The following KIF6 variants were observed in gnomAD, a reference collection of about 807,000 sequenced individuals.
KIF6 encodes kinesin family member 6.
In KIF6, 106 loss-of-function variants were observed where a neutral mutation model predicts 112.7. The observed-to-expected ratio is 0.94, with a 90% CI of 0.80 to 1.11. The LOEUF is 1.11. Ranked by LOEUF, KIF6 falls within the 50% of genes least tolerant of loss-of-function variation. The pLI is 0.00. For missense variants in KIF6, 929 were observed against 964.0 expected, an observed-to-expected ratio of 0.96 and a Z score of 0.48; for synonymous variants, 339 against 339.9, an observed-to-expected ratio of 1.00 and a Z score of 0.03.
At chr6:39,548,988 T>TCTGA (rs1245045945) in intron 10 of KIF6, among the ~76,000 whole-genome samples, 1 of 152,202 alleles carries the variant, frequency 6.6e-6, no homozygotes, top group African/African-American at 2.4e-5. Context: ...ATTTAGTGTG[T>TCTGA]CTGAACACAT....
rs563514713 is a variant in KIF6 at position 39,721,042 on chromosome 6, T to G, written c.67-231A>C. On this transcript the variant is annotated intron_variant, in intron 1 of 22. Transcript: ENST00000287152. The stretch of plus-strand genomic sequence containing the variant: ...AATGCTGTATCAAAGTCAGATCATC[T>G]TTGAATGATCTAACATTCAAATATA... Among the ~76,000 whole-genome samples, 3 of 152,346 alleles carry G rather than the reference T, an allele frequency of 2.0e-5. No homozygotes were observed. In the East Asian group the frequency reaches 5.8e-4, roughly 29 times the overall value.
intron 13 of KIF6, among the ~76,000 whole-genome samples, chr6:39,467,600 C>A: frequency 6.6e-6 from 1 of 152,172 alleles, no homozygotes; most frequent in South Asian, 2.1e-4. Flanking sequence ...CATAGGCTAA[C>A]GCTAAGGGAA....
chr6:39,488,134 C>T (rs150582495), intron 13 of KIF6, among the ~76,000 whole-genome samples: 92 of 152,130 alleles, frequency 6.0e-4, no homozygotes, highest in African/African-American at 1.3e-3. Context: ...TTATGACCTA[C>T]GAAGTTATTT....
At chr6:39,568,643 C>A (rs368867919) in intron 10 of KIF6, among the ~76,000 whole-genome samples, 1 of 151,908 alleles carries the variant, frequency 6.6e-6, no homozygotes. Context: ...CTCTGCCTCC[C>A]GGGTTTCAGT....
At chr6:39,535,679 C>G (rs1322889307) in intron 13 of KIF6, among the ~76,000 whole-genome samples, 1 of 152,016 alleles carries the variant, frequency 6.6e-6, no homozygotes, top group Non-Finnish European at 1.5e-5. Flanking sequence ...ACAAGGATAC[C>G]CAGGAATTGA....
chr6:39,423,023 C>T (rs543918610), intron 14 of KIF6, among the ~76,000 whole-genome samples: 288 of 152,298 alleles, frequency 1.9e-3, no homozygotes, highest in African/African-American at 6.5e-3. Context: ...CACTGATGAG[C>T]GCCCGAGGGT....
At chr6:39,673,873 T>C (rs986711840) in intron 3 of KIF6, among the ~76,000 whole-genome samples, 3 of 152,160 alleles carry the variant, frequency 2.0e-5, no homozygotes, top group African/African-American at 7.2e-5. Context: ...AAACTGTTTG[T>C]CTAACAAATC....
intron 13 of KIF6, among the ~76,000 whole-genome samples, chr6:39,525,760 T>C (rs1330092668): frequency 2.6e-5 from 4 of 151,808 alleles, no homozygotes; most frequent in African/African-American, 7.3e-5. Context: ...CCATTGCACT[T>C]CAGCCTGGGC....
chr6:39,481,519 C>T (rs377045523), intron 13 of KIF6, among the ~76,000 whole-genome samples: 5 of 152,268 alleles, frequency 3.3e-5, no homozygotes, highest in South Asian at 4.1e-4. Context: ...AAACGAATCT[C>T]TCCATTTCTC....
At chr6:39,663,742 A>G (rs1036301216) in intron 3 of KIF6, among the ~76,000 whole-genome samples, 15 of 152,170 alleles carry the variant, frequency 9.9e-5, no homozygotes, top group Non-Finnish European at 1.5e-4. Flanking sequence ...ATAAATCTAA[A>G]GAAGTAATTG....
chr6:39,419,120 G>A (rs530122405), intron 15 of KIF6, among the ~76,000 whole-genome samples: 56 of 152,148 alleles, frequency 3.7e-4, no homozygotes, highest in Admixed American at 1.2e-3. Flanking sequence ...TTGGGAGGCC[G>A]AGGTGGGTGG....
intron 1 of KIF6, among the ~76,000 whole-genome samples, chr6:39,722,070 A>G (rs997294539): frequency 2.0e-5 from 3 of 152,182 alleles, no homozygotes; most frequent in Admixed American, 6.5e-5. Context: ...GTAGAAAGCA[A>G]TGGCATCAGG....
Position 39,611,126 on chromosome 6 carries a change from C to A in KIF6, c.639+2063G>T, listed in dbSNP as rs914655449. On this transcript the variant is annotated intron_variant, in intron 6 of 22. Coordinates refer to ENST00000287152, the MANE Select transcript of KIF6 (RefSeq NM_145027.6). ...TTCCAGACCAGCCTGGCTAACATGGCGAAACCCTGTCTCTACCAAAAATGC... is the reference window on the plus strand; with the variant it reads ...TTCCAGACCAGCCTGGCTAACATGGAGAAACCCTGTCTCTACCAAAAATGC... Among the ~76,000 whole-genome samples, 3 of 152,004 alleles carry A rather than the reference C, an allele frequency of 2.0e-5. No individual in the cohort carries two copies. The East Asian group carries it at 5.8e-4, about 29-fold the overall frequency.
At chr6:39,368,296 T>A (rs1646724203) in intron 16 of KIF6, among the ~76,000 whole-genome samples, 1 of 152,154 alleles carries the variant, frequency 6.6e-6, no homozygotes, top group African/African-American at 2.4e-5. Flanking sequence ...ACTTCATATG[T>A]ATTGTCTTGT....
chr6:39,513,071 T>A (rs1776866977), intron 13 of KIF6, among the ~76,000 whole-genome samples: 1 of 152,206 alleles, frequency 6.6e-6, no homozygotes, highest in Non-Finnish European at 1.5e-5. Flanking sequence ...GGGATACAGA[T>A]GATTCTAACC....
At chr6:39,599,585 A>G (rs770386510) in intron 6 of KIF6, among the ~76,000 whole-genome samples, 1 of 152,232 alleles carries the variant, frequency 6.6e-6, no homozygotes, top group Non-Finnish European at 1.5e-5. Context: ...GGATCAGCAA[A>G]TAACTGTGCA....
chr6:39,378,995 G>C lies in KIF6; in HGVS notation c.1861+6627C>G, dbSNP rs1406580027. Among the ~76,000 whole-genome samples, 1 of 152,188 alleles carries C rather than the reference G, an allele frequency of 6.6e-6. No individual in the cohort carries two copies. Among genetic ancestry groups the C allele is most frequent in the Admixed American group, 6.5e-5 (1 of 15,286 alleles). ...GGGTCGATACAAGAATCATCTGGTT[G>C]AATAACATTTCGGTATCTTTTGTAA... On this transcript the variant is annotated intron_variant, in intron 16 of 22. Coordinates refer to ENST00000287152, the MANE Select transcript of KIF6 (RefSeq NM_145027.6). This position sits in a 1 kb window ranked among gnomAD's most constrained non-coding sequence, Gnocchi z 5.0.
chr6:39,580,388 C>T (rs866704537), intron 9 of KIF6, among the ~76,000 whole-genome samples: 1 of 151,980 alleles, frequency 6.6e-6, no homozygotes, highest in Non-Finnish European at 1.5e-5. Flanking sequence ...TCATTAAATA[C>T]TCTTGGATGT....
At chr6:39,560,508 T>C (rs936363381) in intron 10 of KIF6, among the ~76,000 whole-genome samples, 3 of 152,350 alleles carry the variant, frequency 2.0e-5, no homozygotes, top group African/African-American at 7.2e-5. Context: ...TATTGATTCC[T>C]CTATCTGAAA....
Sources: allele counts gnomAD v4.1 joint callset (sites outside exome capture counted in the v4.1 genomes callset), GRCh38; gene constraint gnomAD v4.1.1; non-coding constraint Gnocchi (gnomAD v3.1); transcripts MANE v1.5; gene names NCBI Gene and HGNC (gene_info 2026-07-23, HGNC 2026-07-21).